MYH6: variants seen among roughly 807,000 people sequenced by gnomAD.
MYH6 encodes myosin heavy chain 6.
MYH6 carries 126 observed loss-of-function variants against 223.2 expected under a neutral mutation model. The observed-to-expected ratio is 0.56, with a 90% CI of 0.49 to 0.65. The LOEUF (loss-of-function observed/expected upper bound fraction) is 0.65, where lower values mean the gene tolerates loss of function less well. Among genes scored for constraint, MYH6 ranks in the 30% least tolerant of loss-of-function variants. MYH6 has a pLI of 0.00. For missense variants in MYH6, 2,040 were observed against 2,536.4 expected, an observed-to-expected ratio of 0.80 and a Z score of 4.20; for synonymous variants, 978 against 1,010.2, an observed-to-expected ratio of 0.97 and a Z score of 0.61.
At chr14:23,396,629 C>A in intron 19 of MYH6, 65 bp downstream of exon 19, 1 of 1,613,478 alleles carries the variant, frequency 6.2e-7, no homozygotes, top group Non-Finnish European at 8.5e-7. Flanking sequence ...GCCTCCTAAA[C>A]TCCTCTCTGC....
At chr14:23,394,654 T>C (rs1891341055) in intron 20 of MYH6, among the ~76,000 whole-genome samples, 1 of 152,158 alleles carries the variant, frequency 6.6e-6, no homozygotes, top group Middle Eastern at 3.2e-3. Context: ...ATAATAAGTA[T>C]GTAAGTTATG....
intron 20 of MYH6, among the ~76,000 whole-genome samples, chr14:23,394,527 T>C (rs1169109558): frequency 1.3e-5 from 2 of 152,260 alleles, no homozygotes; most frequent in African/African-American, 4.8e-5. Context: ...CCAGCTGGGA[T>C]ATTAGTGGTA....
intron 9 of MYH6, 74 bp from the exon 10 acceptor site, chr14:23,403,520 G>A (rs753557263): frequency 1.1e-4 from 144 of 1,350,212 alleles, no homozygotes; most frequent in Non-Finnish European, 1.3e-4. Context: ...GGCCATGGGG[G>A]CAGAGGGCAG....
In MYH6 at chr14:23,397,943, C is replaced by CTTCTTCTTT. The variant is rs1891459598; in HGVS notation, c.1892-331_1892-330insAAAGAAGAA. Reference sequence around the variant, plus strand: ...TCCTCCTCCTCCTCCTCTTCTTCTTCTTCTTCTTCTTCTTCTTCTTCTTCT... The same window carrying CTTCTTCTTT: ...TCCTCCTCCTCCTCCTCTTCTTCTTCTTCTTCTTTTTCTTCTTCTTCTTCTTCTTCTTCT... On this transcript the variant is annotated intron_variant, in intron 15 of 38. Coordinates refer to ENST00000405093, the MANE Select transcript of MYH6 (RefSeq NM_002471.4). Among the ~76,000 whole-genome samples, 6 of 57,996 alleles carry CTTCTTCTTT rather than the reference C, an allele frequency of 1.0e-4. No individual in the cohort carries two copies. The Admixed American group carries it at 1.1e-3, about 10-fold the overall frequency. 38.0% of individuals were successfully genotyped at this position (57,996 alleles called of 152,430 possible).
At chr14:23,403,239 G>A in intron 10 of MYH6, 109 bp downstream of exon 10, 1 of 929,272 alleles carries the variant, frequency 1.1e-6, no homozygotes, top group Non-Finnish European at 1.8e-6. Flanking sequence ...AGGGAAGTGA[G>A]CAGCAAGGTG....
intron 29 of MYH6, 27 bp downstream of exon 29, chr14:23,388,832 C>G: frequency 6.2e-7 from 1 of 1,613,940 alleles, no homozygotes; most frequent in Non-Finnish European, 8.5e-7. Flanking sequence ...CTCTGAGAGT[C>G]AGGTTAAGGG....
chr14:23,402,854 A>G, intron 10 of MYH6, 54 bp from the exon 11 acceptor site: 1 of 595,950 alleles, frequency 1.7e-6, no homozygotes, highest in Non-Finnish European at 2.5e-6. Context: ...AGGGCAGGGA[A>G]GGGGCAGGTA....
In MYH6 at chr14:23,389,390, C is replaced by T; in HGVS notation, c.3978+3G>A. The stretch of plus-strand genomic sequence containing the variant: ...CCTGCCCACCCTCCCCACTGGGCCT[C>T]ACCTTGCCCTCCTCCTCCAGCTGCC... On this transcript the variant is annotated splice_donor_region_variant and intron_variant, in intron 28 of 38. Coordinates refer to ENST00000405093, the MANE Select transcript of MYH6 (RefSeq NM_002471.4). 3.1e-6 allele frequency: 5 copies of T among 1,614,164 alleles called. No individual in the cohort carries two copies. The highest frequency in any genetic ancestry group is 4.2e-6 in the Non-Finnish European group (5 of 1,180,002).
At chr14:23,401,166 C>T (rs1397484153) in intron 12 of MYH6, among the ~76,000 whole-genome samples, 189 bp from the exon 13 acceptor site, 2 of 152,192 alleles carry the variant, frequency 1.3e-5, no homozygotes, top group Non-Finnish European at 2.9e-5. Flanking sequence ...GCCACCATGC[C>T]AGGCTAATTT....
Position 23,386,044 on chromosome 14 carries a change from G to C in MYH6, c.5047C>G (p.Leu1683Val). Residue 1683 changes from leucine to valine, a missense_variant, in exon 34 of 39, where the codon CTG (leucine) becomes GTG (valine). Leu to Val is a conservative substitution (Grantham distance 32). Transcript: ENST00000405093. Reference protein sequence around the residue: ...IAIVERRNNLLQAELEELRAV... With the variant: ...IAIVERRNNLVQAELEELRAV... ...CGCAGCTCCTCCAGCTCAGCCTGCAGCAGGTTGTTGCGCCGCTCCACGATG... is the reference window on the plus strand; with the variant it reads ...CGCAGCTCCTCCAGCTCAGCCTGCACCAGGTTGTTGCGCCGCTCCACGATG... 1 of 1,614,216 alleles carries C rather than the reference G, an allele frequency of 6.2e-7. No individual in the cohort carries two copies. Among genetic ancestry groups the C allele is most frequent in the Non-Finnish European group, 8.5e-7 (1 of 1,180,036 alleles).
intron 28 of MYH6, 142 bp downstream of exon 28, chr14:23,389,251 G>T: frequency 8.6e-7 from 1 of 1,166,678 alleles, no homozygotes; most frequent in Non-Finnish European, 1.2e-6. Flanking sequence ...ATTAAATGAC[G>T]CTTAGCTGCA....
rs1891826356 is a variant in MYH6 at position 23,407,473 on chromosome 14, G to T, written c.-14+103C>A. The T allele has an allele frequency of 3.2e-6, 4 of 1,268,866 alleles. No individual in the cohort carries two copies. Among genetic ancestry groups the T allele is most frequent in the Non-Finnish European group, 3.1e-6 (3 of 960,406 alleles). The allele number at this position is 1,268,866 out of a possible 1,614,324, so 78.6% of individuals were successfully genotyped here. ...GTGGCATTGGCTGGAGTATGCTAAG[G>T]GTTGGCGCTGAGTGCTTGGGACAGC... is the stretch of plus-strand genomic sequence containing the variant. On this transcript the variant is annotated intron_variant, in intron 2 of 38. Coordinates refer to ENST00000405093, the MANE Select transcript of MYH6 (RefSeq NM_002471.4). The surrounding 1 kb of genome is among the most constrained non-coding windows in gnomAD (Gnocchi z 5.6).
intron 36 of MYH6, 21 bp from the exon 37 acceptor site, chr14:23,383,341 G>GGGGGGGGGGGGCCCCCCCCCCCCCCC: frequency 1.8e-6 from 1 of 556,572 alleles, no homozygotes; most frequent in Non-Finnish European, 3.3e-6. Context: ...GAGGGTGGGA[G>GGGGGGGGGGGGCCCCCCCCCCCCCCC]AAGCTGGTTT....
In MYH6 at chr14:23,390,248, C is replaced by G. The variant is rs1033416176; in HGVS notation, c.3541G>C (p.Glu1181Gln). ...AEFQKMRRDL[E>Q]EATLQHEATA... Reference sequence around the variant, plus strand: ...GCCTCGTGCTGCAGCGTGGCCTCCTCCAGGTCCCGCCGCATCTTCTGGAAC... The same window carrying G: ...GCCTCGTGCTGCAGCGTGGCCTCCTGCAGGTCCCGCCGCATCTTCTGGAAC... The change falls in exon 26 of 39, where the codon GAG becomes CAG. Residue 1181 changes from glutamate (E) to glutamine (Q), a missense_variant. By Grantham distance (29) the Glu-to-Gln change is conservative (BLOSUM62 2). Around this residue, in one of 4 missense-constraint regions of MYH6, gnomAD observed 1,203 missense variants for 1,400.2 expected, o/e 0.86. Transcript: ENST00000405093. 4 of 1,582,698 alleles carry G rather than the reference C, an allele frequency of 2.5e-6. No homozygotes were observed. Among genetic ancestry groups the G allele is most frequent in the Non-Finnish European group, 3.4e-6 (4 of 1,161,614 alleles).
In MYH6 at chr14:23,398,928, A is replaced by G; in HGVS notation, c.1691T>C (p.Phe564Ser). The change falls in exon 15 of 39, where the codon TTC becomes TCC. Residue 564 changes from phenylalanine (F) to serine (S), a missense_variant. Coordinates refer to ENST00000405093, the MANE Select transcript of MYH6 (RefSeq NM_002471.4). ...YDNHLGKSNN[F>S]QKPRNIKGKQ... is the part of the protein sequence containing the mutation. ...CCCCTTGATGTTGCGTGGCTTCTGGAAATTGTTGGACTTGCCCAGGTGGTT... is the reference window on the plus strand; with the variant it reads ...CCCCTTGATGTTGCGTGGCTTCTGGGAATTGTTGGACTTGCCCAGGTGGTT... 1 of 1,614,004 alleles carries G rather than the reference A, an allele frequency of 6.2e-7. No individual in the cohort carries two copies. Among genetic ancestry groups the G allele is most frequent in the Non-Finnish European group, 8.5e-7 (1 of 1,179,980 alleles).
At position 23,390,323 on chromosome 14, in the gene MYH6, C is replaced by T. The variant is rs1378744560; in HGVS notation, c.3466G>A (p.Gly1156Ser). 1.9e-5 allele frequency: 30 copies of T among 1,607,208 alleles called. No homozygotes were observed. In the East Asian group the frequency reaches 2.2e-4, roughly 12 times the overall value. ...TCGATCTGCACGGACGTGGCCCCGC[C>T]GGCCTCTTCCAGCCGCTCGCTGATC... Reference protein sequence around the residue: ...EEISERLEEAGGATSVQIEMN... With the variant: ...EEISERLEEASGATSVQIEMN... Residue 1156 changes from glycine (G) to serine (S), a missense_variant, in exon 26 of 39, where the codon GGC (glycine) becomes AGC (serine). Transcript: ENST00000405093.
At position 23,407,758 on chromosome 14, in the gene MYH6, AG is replaced by A. The variant is rs1245630333; in HGVS notation, c.-46-151del. 1 of 360,748 alleles carries A rather than the reference AG, an allele frequency of 2.8e-6. No individual in the cohort carries two copies. The highest frequency in any genetic ancestry group is 4.0e-6 in the Non-Finnish European group (1 of 249,378). 22.3% of individuals were successfully genotyped at this position (360,748 alleles called of 1,614,324 possible). On this transcript the variant is annotated intron_variant, in intron 1 of 38. Coordinates refer to ENST00000405093, the MANE Select transcript of MYH6 (RefSeq NM_002471.4). The surrounding 1 kb of genome is among the most constrained non-coding windows in gnomAD (Gnocchi z 5.6). ...GGCAGGACAGACCAGGGAGTCAGAA[AG>A]GGAAAGACGCAGAGGCAGAAAAGAA...
At chr14:23,396,608 A>G (rs1481543624) in intron 19 of MYH6, 86 bp downstream of exon 19, 1 of 1,608,900 alleles carries the variant, frequency 6.2e-7, no homozygotes, top group Non-Finnish European at 8.5e-7. Context: ...GGAAGCCAGA[A>G]TTAGGCTTCT....
chr14:23,405,416 G>C lies in MYH6; in HGVS notation c.346-37C>G. 6.2e-7 allele frequency: 1 copy of C among 1,613,966 alleles called. No homozygotes were observed. Among genetic ancestry groups the C allele is most frequent in the South Asian group, 1.1e-5 (1 of 91,074 alleles). On this transcript the variant is annotated intron_variant, in intron 4 of 38. Transcript: ENST00000405093. This position sits in a 1 kb window ranked among gnomAD's most constrained non-coding sequence, Gnocchi z 4.7. ...GACAAGGCTGGGCATGAGGTTGGTG[G>C]GGAGAGCCTGGGACAGGCAGTGGTG...
Sources: gnomAD v4.1 joint callset for allele counts (sites outside exome capture counted in the v4.1 genomes callset) on GRCh38, gnomAD v4.1.1 for gene constraint, gnomAD v4.1.1 regional missense constraint, Gnocchi (gnomAD v3.1) non-coding constraint, MANE v1.5 for transcripts, NCBI Gene and HGNC (gene_info 2026-07-23, HGNC 2026-07-21) for gene names.